The following ADGRV1 variants were observed in gnomAD, a reference collection of about 807,000 sequenced individuals.
ADGRV1 encodes the protein G-protein coupled receptor 98.
In ADGRV1, 359 loss-of-function variants were observed where a neutral mutation model predicts 596.2. The ratio of observed to expected loss-of-function variants is 0.60; its 90% confidence interval spans 0.55 to 0.66. ADGRV1 has a LOEUF of 0.66. Ranked by LOEUF, ADGRV1 falls within the 30% of genes least tolerant of loss-of-function variation. The pLI is 0.00. For synonymous variants in ADGRV1, 2,681 were observed against 2,679.2 expected (o/e 1.00, Z -0.02); for missense variants, 7,274 against 7,575.6 (o/e 0.96, Z 1.48).
At chr5:91,053,424 AG>A (rs1363227630) in intron 85 of ADGRV1, among the ~76,000 whole-genome samples, 1 of 152,182 alleles carries the variant, frequency 6.6e-6, no homozygotes, top group African/African-American at 2.4e-5. Context: ...TGACCTTGAA[AG>A]TTTTATGGCC....
intron 58 of ADGRV1, 90 bp downstream of exon 58, chr5:90,759,678 A>G (rs1371891551): frequency 8.5e-7 from 1 of 1,180,026 alleles, no homozygotes; most frequent in South Asian, 1.3e-5. Flanking sequence ...TTGTTTTGGA[A>G]GTCTTGGCCA....
chr5:91,031,365 G>T, intron 85 of ADGRV1: 1 of 1,194,834 alleles, frequency 8.4e-7, no homozygotes, highest in Non-Finnish European at 1.2e-6. Context: ...ATCCGCTGAC[G>T]GAAGTTCATC....
In ADGRV1 at chr5:90,976,979, A is replaced by T. The variant is rs376537461; in HGVS notation, c.17974-8365A>T. 2.0e-5 allele frequency among the ~76,000 whole-genome samples: 3 copies of T among 152,258 alleles called. No individual in the cohort carries two copies. In the South Asian group the frequency reaches 6.2e-4, roughly 32 times the overall value. The stretch of plus-strand genomic sequence containing the variant: ...CTTGAGCATTCACATCTTGTGCGTT[A>T]TTTTCTCAATATAACCAGGCTATGA... On this transcript the variant is annotated intron_variant, in intron 84 of 89. Transcript: ENST00000405460.
chr5:91,026,308 A>C (rs1327235677), intron 85 of ADGRV1, among the ~76,000 whole-genome samples: 2 of 152,168 alleles, frequency 1.3e-5, no homozygotes, highest in Admixed American at 6.5e-5. Context: ...GGCATAAAAC[A>C]ATGCCTTTCA....
chr5:90,924,174 T>C (rs1042579357), intron 83 of ADGRV1, among the ~76,000 whole-genome samples: 11 of 151,730 alleles, frequency 7.2e-5, no homozygotes, highest in African/African-American at 2.2e-4. Context: ...TCAAATGGTA[T>C]TTCTAGTTCT....
rs1352778437 is a variant in ADGRV1 at position 91,161,317 on chromosome 5, A to T, written c.18803-2465A>T. ...GTCCTTCGAAGGCCTGGAAGTAGAC[A>T]CAAATGTTACCTTCGGGGGCCAAGC... On this transcript the variant is annotated intron_variant, in intron 89 of 89. Coordinates refer to ENST00000405460, the MANE Select transcript of ADGRV1 (RefSeq NM_032119.4). Among the ~76,000 whole-genome samples the T allele has an allele frequency of 2.6e-5, 4 of 152,208 alleles. 1 individual carries two copies. The highest frequency in any genetic ancestry group is 9.6e-5 in the African/African-American group (4 of 41,460).
intron 84 of ADGRV1, among the ~76,000 whole-genome samples, chr5:90,973,492 G>A (rs188623842): frequency 6.6e-6 from 1 of 152,242 alleles, no homozygotes; most frequent in East Asian, 1.9e-4. Flanking sequence ...CACATTAAAA[G>A]CTTATCCACC....
chr5:90,728,583 G>A, intron 48 of ADGRV1, 86 bp from the exon 49 acceptor site: 1 of 1,096,884 alleles, frequency 9.1e-7, no homozygotes, highest in South Asian at 1.6e-5. Flanking sequence ...AAGGATCCAA[G>A]AGAGTAAACA....
chr5:90,810,110 G>A (rs1316754831), intron 73 of ADGRV1, 123 bp from the exon 74 acceptor site: 3 of 740,274 alleles, frequency 4.1e-6, no homozygotes, highest in Non-Finnish European at 6.4e-6. Flanking sequence ...ATTTGAAATG[G>A]CACGTCATTG....
At chr5:91,070,872 A>G (rs998963490) in intron 85 of ADGRV1, among the ~76,000 whole-genome samples, 3 of 152,216 alleles carry the variant, frequency 2.0e-5, no homozygotes, top group Non-Finnish European at 4.4e-5. Flanking sequence ...TAGTTAAGGA[A>G]TAAGAAAACT....
chr5:91,155,448 A>G (rs921724947), intron 89 of ADGRV1, among the ~76,000 whole-genome samples: 1 of 152,174 alleles, frequency 6.6e-6, no homozygotes, highest in African/African-American at 2.4e-5. Context: ...GGCACCATCA[A>G]TAATCTACTA....
intron 5 of ADGRV1, among the ~76,000 whole-genome samples, chr5:90,624,206 A>T (rs1034647172): frequency 6.6e-6 from 1 of 152,218 alleles, no homozygotes; most frequent in Non-Finnish European, 1.5e-5. Flanking sequence ...CACAGTAAAC[A>T]CTAACTAAAT....
chr5:90,569,819 G>C (rs145081704), intron 1 of ADGRV1, among the ~76,000 whole-genome samples: 18 of 151,618 alleles, frequency 1.2e-4, no homozygotes, highest in Non-Finnish European at 2.1e-4. Context: ...TTTCAATAGC[G>C]TGCAATAATT....
intron 71 of ADGRV1, among the ~76,000 whole-genome samples, chr5:90,803,391 G>A (rs996265769): frequency 2.0e-5 from 3 of 152,138 alleles, no homozygotes; most frequent in Non-Finnish European, 4.4e-5. Flanking sequence ...CAACTTGAGG[G>A]CTTTCCTTTC....
At chr5:90,649,510 A>G (rs1006786982) in intron 17 of ADGRV1, among the ~76,000 whole-genome samples, 5 of 151,128 alleles carry the variant, frequency 3.3e-5, no homozygotes, top group African/African-American at 1.2e-4. Flanking sequence ...CTTTTTTGAG[A>G]TGAAGTCTCA....
intron 52 of ADGRV1, 47 bp downstream of exon 52, chr5:90,745,842 T>A: frequency 8.8e-7 from 1 of 1,130,260 alleles, no homozygotes; most frequent in Non-Finnish European, 1.3e-6. Context: ...ATGTTTTATT[T>A]ATTGTATTTG....
At chr5:90,603,746 C>A (rs1050024009) in intron 1 of ADGRV1, among the ~76,000 whole-genome samples, 2 of 151,744 alleles carry the variant, frequency 1.3e-5, no homozygotes. Context: ...CTTGCAGTGT[C>A]CAGCTAAAGG....
chr5:90,563,026 C>T (rs1021246943), intron 1 of ADGRV1, among the ~76,000 whole-genome samples: 1 of 152,086 alleles, frequency 6.6e-6, no homozygotes, highest in African/African-American at 2.4e-5. Flanking sequence ...GGCTTTAATC[C>T]AACCATCTGT....
chr5:90,684,356 A>G (rs111395332), intron 28 of ADGRV1, among the ~76,000 whole-genome samples, 161 bp downstream of exon 28: 8 of 152,176 alleles, frequency 5.3e-5, no homozygotes, highest in Non-Finnish European at 1.2e-4. Flanking sequence ...TGGAAGCCAG[A>G]CACATTTTTT....
Sources: gnomAD v4.1 joint callset for allele counts (sites outside exome capture counted in the v4.1 genomes callset) on GRCh38, gnomAD v4.1.1 for gene constraint, MANE v1.5 for transcripts, NCBI Gene and HGNC (gene_info 2026-07-23, HGNC 2026-07-21) for gene names.